MSRA: variants seen among roughly 807,000 people sequenced by gnomAD.
MSRA encodes the protein methionine sulfoxide reductase A.
A neutral mutation model predicts 31.3 loss-of-function variants in MSRA; 54 were observed. The ratio of observed to expected loss-of-function variants is 1.73; its 90% CI spans 1.39 to 2.17. MSRA has a LOEUF of 2.17. MSRA is among the 30% of genes most tolerant of loss of function. The pLI is 0.00. For synonymous variants in MSRA, 169 were observed against 116.5 expected (o/e 1.45, Z -2.90); for missense variants, 507 against 300.9 (o/e 1.69, Z -5.07).
At chr8:10,311,982 G>A (rs1200412405) in intron 4 of MSRA, among the ~76,000 whole-genome samples, 1 of 152,144 alleles carries the variant, frequency 6.6e-6, no homozygotes, top group African/African-American at 2.4e-5. Flanking sequence ...AAAATACTTT[G>A]AATCAAATGA....
chr8:10,065,545 TTAAGC>T (rs1797413674), intron 1 of MSRA, among the ~76,000 whole-genome samples: 1 of 152,220 alleles, frequency 6.6e-6, no homozygotes, highest in Non-Finnish European at 1.5e-5. Context: ...CACACCTGAC[TTAAGC>T]TATGTGAATT....
At chr8:10,232,321 G>A (rs2129073845) in intron 2 of MSRA, among the ~76,000 whole-genome samples, 1 of 152,326 alleles carries the variant, frequency 6.6e-6, no homozygotes, top group Middle Eastern at 3.4e-3. Flanking sequence ...TGGAGGGTTT[G>A]TTATTCAGTG....
At chr8:10,289,620 A>G (rs548192997) in intron 3 of MSRA, among the ~76,000 whole-genome samples, 2 of 152,306 alleles carry the variant, frequency 1.3e-5, no homozygotes, top group South Asian at 4.1e-4. Flanking sequence ...TTTCTCATCC[A>G]TCGCATGGAG....
At chr8:10,407,065 G>A (rs1309398156) in intron 5 of MSRA, among the ~76,000 whole-genome samples, 1 of 151,622 alleles carries the variant, frequency 6.6e-6, no homozygotes, top group Non-Finnish European at 1.5e-5. Flanking sequence ...TTTTGTGGAG[G>A]TGAGGTTCAC....
chr8:10,224,504 A>AAT (rs397777004), intron 2 of MSRA, among the ~76,000 whole-genome samples: 1 of 151,506 alleles, frequency 6.6e-6, no homozygotes, highest in Admixed American at 6.6e-5. Flanking sequence ...AGAAAAAAAA[A>AAT]GACCAAATAA....
intron 1 of MSRA, among the ~76,000 whole-genome samples, chr8:10,181,870 G>A (rs1806573679): frequency 6.6e-6 from 1 of 152,250 alleles, no homozygotes; most frequent in Admixed American, 6.5e-5. Context: ...CATGGGAAAA[G>A]CCTTTATCCT....
chr8:10,301,699 G>T (rs1800858840), intron 4 of MSRA, 61 bp downstream of exon 4: 5 of 1,332,562 alleles, frequency 3.8e-6, no homozygotes, highest in Non-Finnish European at 5.4e-6. Context: ...GATAATTAGT[G>T]TTTGAGCTGC....
intron 1 of MSRA, among the ~76,000 whole-genome samples, chr8:10,206,655 C>G (rs950977956): frequency 2.0e-5 from 3 of 152,196 alleles, no homozygotes; most frequent in African/African-American, 7.2e-5. Flanking sequence ...AAGTTGCTCT[C>G]TCACCCTTGC....
At chr8:10,060,021 T>C (rs973164356) in intron 1 of MSRA, among the ~76,000 whole-genome samples, 3 of 152,092 alleles carry the variant, frequency 2.0e-5, no homozygotes, top group African/African-American at 7.2e-5. Flanking sequence ...AGAGTATAAA[T>C]TGGCTCAACT....
At chr8:10,234,070 G>A (rs1330700011) in intron 2 of MSRA, among the ~76,000 whole-genome samples, 1 of 152,112 alleles carries the variant, frequency 6.6e-6, no homozygotes, top group African/African-American at 2.4e-5. Flanking sequence ...ACATTCGATA[G>A]TATAGACATA....
intron 2 of MSRA, among the ~76,000 whole-genome samples, chr8:10,234,281 G>A (rs1054458181): frequency 6.6e-6 from 1 of 152,132 alleles, no homozygotes; most frequent in Non-Finnish European, 1.5e-5. Flanking sequence ...CTGTGTGTGT[G>A]TTAGAAGAAA....
intron 5 of MSRA, among the ~76,000 whole-genome samples, chr8:10,334,405 C>T (rs1388693605): frequency 7.9e-5 from 12 of 151,714 alleles, no homozygotes; most frequent in African/African-American, 2.4e-5. Flanking sequence ...AAAGTGGCTC[C>T]GGAGTGATAG....
At chr8:10,218,559 C>G (rs570944646) in intron 2 of MSRA, among the ~76,000 whole-genome samples, 1 of 152,288 alleles carries the variant, frequency 6.6e-6, no homozygotes, top group African/African-American at 2.4e-5. Flanking sequence ...AATTTGTGAG[C>G]TGAAATATTT....
chr8:10,132,538 G>T (rs1229482489), intron 1 of MSRA, among the ~76,000 whole-genome samples: 1 of 152,172 alleles, frequency 6.6e-6, no homozygotes, highest in Non-Finnish European at 1.5e-5. Flanking sequence ...CCAAGATCAA[G>T]GCACTGGCAG....
chr8:10,208,518 C>T (rs1445552945), intron 2 of MSRA, among the ~76,000 whole-genome samples: 1 of 152,166 alleles, frequency 6.6e-6, no homozygotes, highest in Non-Finnish European at 1.5e-5. Flanking sequence ...GTCATCTAAA[C>T]TTCCTTCAGA....
intron 5 of MSRA, among the ~76,000 whole-genome samples, chr8:10,401,990 A>G (rs182518038): frequency 8.3e-4 from 127 of 152,322 alleles, no homozygotes; most frequent in Non-Finnish European, 3.8e-4. Context: ...GTTGCACAGC[A>G]CTGTAAATGT....
chr8:10,147,501 T>C (rs1424207304), intron 1 of MSRA, among the ~76,000 whole-genome samples: 1 of 152,160 alleles, frequency 6.6e-6, no homozygotes, highest in Non-Finnish European at 1.5e-5. Flanking sequence ...TCACAGTGTC[T>C]TTATATAACC....
At chr8:10,245,058 G>A (rs1797542917) in intron 2 of MSRA, 46 bp from the exon 3 acceptor site, 1 of 1,592,812 alleles carries the variant, frequency 6.3e-7, no homozygotes, top group Admixed American at 1.7e-5. Flanking sequence ...TGACCACTTT[G>A]TTTTGAATAA....
chr8:10,117,063 C>T (rs1450401571), intron 1 of MSRA, among the ~76,000 whole-genome samples: 2 of 152,192 alleles, frequency 1.3e-5, no homozygotes, highest in Admixed American at 6.5e-5. Context: ...GAAAATCCAT[C>T]TGCCCAGAGC....
Sources: gnomAD v4.1 joint callset for allele counts (sites outside exome capture counted in the v4.1 genomes callset) on GRCh38, gnomAD v4.1.1 for gene constraint, MANE v1.5 for transcripts, NCBI Gene and HGNC (gene_info 2026-07-23, HGNC 2026-07-21) for gene names.